Variants in ECE1 observed in about 807,000 individuals in gnomAD.
ECE1 encodes the protein endothelin-converting enzyme 1.
A neutral mutation model predicts 98.6 loss-of-function variants in ECE1; 35 were observed. The observed-to-expected ratio is 0.35, with a 90% CI of 0.27 to 0.47. ECE1 has a LOEUF of 0.47. Among genes scored for constraint, ECE1 ranks in the 20% least tolerant of loss-of-function variants. ECE1 has a pLI of 1.00. For synonymous variants in ECE1, 394 were observed against 407.1 expected (o/e 0.97, Z 0.39); for missense variants, 814 against 1,025.3 (o/e 0.79, Z 2.81).
At chr1:21,273,223 C>G (rs2103324262) in intron 3 of ECE1, among the ~76,000 whole-genome samples, 1 of 152,336 alleles carries the variant, frequency 6.6e-6, no homozygotes, top group African/African-American at 2.4e-5. Context: ...CAAATTTATT[C>G]ATTCACGCAT....
rs1280670457 is a variant in ECE1, at chr1:21,315,588, G to A, written c.4-25432C>T. 3.9e-5 allele frequency among the ~76,000 whole-genome samples: 6 copies of A among 152,252 alleles called. No individual in the cohort carries two copies. In the East Asian group the frequency reaches 1.2e-3, roughly 29 times the overall value. On this transcript the variant is annotated intron_variant, in intron 1 of 18. Transcript: ENST00000415912. Reference sequence around the variant, plus strand: ...GCAGGCAGATCACTTGAGGTCAGGAGTTTGAGACCAGCCTGGCCAACATGG... The same window carrying A: ...GCAGGCAGATCACTTGAGGTCAGGAATTTGAGACCAGCCTGGCCAACATGG...
intron 1 of ECE1, among the ~76,000 whole-genome samples, chr1:21,331,239 C>T (rs1639194356): frequency 6.6e-6 from 1 of 152,010 alleles, no homozygotes. Context: ...CCCATCTCTA[C>T]TAAAAATCCA....
At chr1:21,303,081 C>G (rs1638522756) in intron 1 of ECE1, among the ~76,000 whole-genome samples, 1 of 152,228 alleles carries the variant, frequency 6.6e-6, no homozygotes, top group African/African-American at 2.4e-5. Context: ...ATCTACCCAG[C>G]CCCACCACTG....
rs2098165903 is a variant in ECE1, at chr1:21,220,461, T to C, written c.2137-330A>G. Among the ~76,000 whole-genome samples, 1 of 152,078 alleles carries C rather than the reference T, an allele frequency of 6.6e-6. No homozygotes were observed. The highest frequency in any genetic ancestry group is 2.1e-4 in the South Asian group (1 of 4,816). ...CTGCAGTGAGCTGTGATTGTGCCAC[T>C]GCATTCCAGCCTCGGTGATAGAGTG... On this transcript the variant is annotated intron_variant, in intron 18 of 18. Coordinates refer to ENST00000374893, the MANE Select transcript of ECE1 (RefSeq NM_001397.3). This position sits in a 1 kb window ranked among gnomAD's most constrained non-coding sequence, Gnocchi z 5.0.
Position 21,233,600 on chromosome 1 carries a change from C to T in ECE1, c.1628G>A (p.Arg543Lys), listed in dbSNP as rs775473249. 2 of 1,613,952 alleles carry T rather than the reference C, an allele frequency of 1.2e-6. No homozygotes were observed. The highest frequency in any genetic ancestry group is 1.1e-5 in the South Asian group (1 of 91,066). Residue 543 changes from arginine (R) to lysine (K), a missense_variant, in exon 14 of 19, where the codon AGG (arginine) becomes AAG (lysine). Around this residue, in one of 3 missense-constraint regions of ECE1, gnomAD observed 452 missense variants for 567.3 expected, o/e 0.80. Coordinates refer to ENST00000374893, the MANE Select transcript of ECE1 (RefSeq NM_001397.3). The surrounding 1 kb of genome is among the most constrained non-coding windows in gnomAD (Gnocchi z 4.0). ...TTTCCTGAGCTGATCGGCAGTGACC[C>T]TCCATGAGAAGTTGAAAAACCGCAT... ...NAMRFFNFSW[R>K]VTADQLRKAP...
At chr1:21,335,956 A>C (rs1319298389) in intron 1 of ECE1, among the ~76,000 whole-genome samples, 1 of 152,252 alleles carries the variant, frequency 6.6e-6, no homozygotes, top group Non-Finnish European at 1.5e-5. Context: ...GCAGAACAGC[A>C]GGCGAAGCCC....
At chr1:21,279,170 A>C in intron 3 of ECE1, 21 bp downstream of exon 3, 1 of 1,614,068 alleles carries the variant, frequency 6.2e-7, no homozygotes, top group South Asian at 1.1e-5. Flanking sequence ...CAAGCCCACC[A>C]TGCAACACGA....
chr1:21,274,744 C>T (rs1260011351), intron 3 of ECE1, among the ~76,000 whole-genome samples: 1 of 152,132 alleles, frequency 6.6e-6, no homozygotes, highest in Non-Finnish European at 1.5e-5. Context: ...CTCAGAGCAG[C>T]TGCACAACAG....
chr1:21,265,334 C>T (rs879845024), intron 4 of ECE1, among the ~76,000 whole-genome samples: 1 of 152,090 alleles, frequency 6.6e-6, no homozygotes, highest in Non-Finnish European at 1.5e-5. Flanking sequence ...GAGTTTGAGA[C>T]CAGCCTGGCC....
chr1:21,227,791 G>A, intron 15 of ECE1, 140 bp downstream of exon 15: 1 of 663,390 alleles, frequency 1.5e-6, no homozygotes, highest in East Asian at 2.8e-5. Flanking sequence ...TGAGGATGTT[G>A]CTTCCTCTGC....
chr1:21,298,840 G>T (rs573632367), intron 1 of ECE1: 1 of 456,148 alleles, frequency 2.2e-6, no homozygotes, highest in East Asian at 6.9e-5. Flanking sequence ...ACGACTTCAG[G>T]TGTCACCTCC....
intron 4 of ECE1, chr1:21,265,973 C>T (rs548604922): frequency 6.6e-6 from 1 of 152,266 alleles, no homozygotes; most frequent in East Asian, 1.9e-4. Context: ...TTCTAGGGGC[C>T]CCGAGTTCCA....
chr1:21,309,512 G>A (rs1031030551), intron 1 of ECE1, among the ~76,000 whole-genome samples: 1 of 152,198 alleles, frequency 6.6e-6, no homozygotes, highest in African/African-American at 2.4e-5. Context: ...ATGAAGGAAT[G>A]AGTCAATGCG....
At chr1:21,308,889 C>A (rs1638656139) in intron 1 of ECE1, among the ~76,000 whole-genome samples, 1 of 152,216 alleles carries the variant, frequency 6.6e-6, no homozygotes, top group South Asian at 2.1e-4. Flanking sequence ...AGTACCTGGG[C>A]TATGAGCCAC....
chr1:21,329,878 C>T (rs754001005), intron 1 of ECE1, among the ~76,000 whole-genome samples: 1 of 152,158 alleles, frequency 6.6e-6, no homozygotes, highest in East Asian at 1.9e-4. Context: ...TGGTCTAGGG[C>T]TCACGTGGAG....
chr1:21,221,075 G>C (rs2098166814), intron 18 of ECE1, among the ~76,000 whole-genome samples: 1 of 152,240 alleles, frequency 6.6e-6, no homozygotes, highest in Admixed American at 6.5e-5. Context: ...ATTTAGTCCA[G>C]ATCTCTCATT....
At chr1:21,256,235 G>A (rs1020186764) in intron 7 of ECE1, 97 bp from the exon 8 acceptor site, 2 of 1,404,272 alleles carry the variant, frequency 1.4e-6, no homozygotes, top group African/African-American at 2.8e-5. Flanking sequence ...CCGGCACAGG[G>A]AGCCAGGGGG....
intron 1 of ECE1, among the ~76,000 whole-genome samples, chr1:21,313,120 T>G (rs538703567): frequency 1.3e-5 from 2 of 152,180 alleles, no homozygotes; most frequent in East Asian, 3.9e-4. Context: ...CGCCCCACTA[T>G]TCCCTCCTGG....
intron 2 of ECE1, among the ~76,000 whole-genome samples, chr1:21,282,429 A>T (rs2098255704): frequency 7.0e-6 from 1 of 143,790 alleles, no homozygotes; most frequent in African/African-American, 2.6e-5. Flanking sequence ...CTCTACTAAA[A>T]ATATAAAAAT....
Sources: gnomAD v4.1 joint callset for allele counts (sites outside exome capture counted in the v4.1 genomes callset) on GRCh38, gnomAD v4.1.1 for gene constraint, gnomAD v4.1.1 regional missense constraint, Gnocchi (gnomAD v3.1) non-coding constraint, MANE v1.5 for transcripts, NCBI Gene and HGNC (gene_info 2026-07-23, HGNC 2026-07-21) for gene names.